Variants in TCF24 observed in about 807,000 individuals in gnomAD.
TCF24 encodes transcription factor 24.
Under a neutral mutation model 9.3 loss-of-function variants are expected in TCF24, and 5 were observed. The observed-to-expected ratio is 0.54, with a 90% CI of 0.28 to 1.13. TCF24 has a LOEUF of 1.13. Ranked by LOEUF, TCF24 falls within the 50% of genes most tolerant of loss-of-function variation. TCF24 has a pLI of 0.09. For synonymous variants in TCF24, 110 were observed against 115.8 expected, an observed-to-expected ratio of 0.95 and a Z score of 0.32; for missense variants, 220 against 236.1, an observed-to-expected ratio of 0.93 and a Z score of 0.45.
intron 3 of TCF24, among the ~76,000 whole-genome samples, chr8:66,960,009 G>A (rs1814227713): frequency 6.6e-6 from 1 of 152,072 alleles, no homozygotes; most frequent in African/African-American, 2.4e-5. Context: ...CTCCCATAAA[G>A]TATTTAACAG....
chr8:66,949,253 C>T (rs531422890), intron 3 of TCF24, among the ~76,000 whole-genome samples: 19 of 152,028 alleles, frequency 1.2e-4, no homozygotes, highest in African/African-American at 4.1e-4. Context: ...ATCCCTCCCC[C>T]CTCCTCCCAC....
intron 3 of TCF24, among the ~76,000 whole-genome samples, chr8:66,948,820 T>G (rs1814008925): frequency 6.6e-6 from 1 of 152,082 alleles, no homozygotes; most frequent in South Asian, 2.1e-4. Context: ...CTCAGCCTCC[T>G]GAGTAGCTAG....
chr8:66,949,988 T>C (rs1251117303), intron 3 of TCF24, among the ~76,000 whole-genome samples: 1 of 142,910 alleles, frequency 7.0e-6, no homozygotes, highest in Non-Finnish European at 1.5e-5. Context: ...TTGAGTTCAT[T>C]GTAGATTCTG....
At chr8:66,961,119 T>G (rs1179186999) in intron 3 of TCF24, among the ~76,000 whole-genome samples, 3 of 152,210 alleles carry the variant, frequency 2.0e-5, no homozygotes, top group Non-Finnish European at 4.4e-5. Flanking sequence ...GGAGGCATCC[T>G]GTAAGAGGCT....
chr8:66,961,442 G>A lies in TCF24; in HGVS notation c.324C>T (p.Asp108=). The change falls in exon 3 of 4, where the codon GAC becomes GAT. Residue 108 remains aspartate (D), a synonymous_variant. Transcript: ENST00000563496. ...IAHLTRSLQD[D]AEAPADAGLG... is the part of the protein sequence containing the mutation. ...ACCCGGCGTCCGCCGGCGCCTCGGC[G>A]TCGTCCTGCAGGCTGCGGGTGAGAT... 2 of 1,526,408 alleles carry A rather than the reference G, an allele frequency of 1.3e-6. No individual in the cohort carries two copies. Among genetic ancestry groups the A allele is most frequent in the East Asian group, 2.5e-5 (1 of 39,840 alleles). The allele number at this position is 1,526,408 out of a possible 1,614,324, so 94.6% of individuals were successfully genotyped here.
intron 3 of TCF24, among the ~76,000 whole-genome samples, chr8:66,953,890 G>A (rs1412088796): frequency 6.6e-6 from 1 of 151,406 alleles, no homozygotes; most frequent in Non-Finnish European, 1.5e-5. Context: ...GATCGCATTG[G>A]CTCCTGAGGC....
At position 66,949,247 on chromosome 8, in the gene TCF24, C is replaced by A. The variant is rs559897326; in HGVS notation, c.391-1083G>T. Among the ~76,000 whole-genome samples the A allele has an allele frequency of 4.2e-3, 642 of 152,082 alleles. 9 individuals are homozygous for A. Among genetic ancestry groups the A allele is most frequent in the African/African-American group, 0.015 (608 of 41,474 alleles). On this transcript the variant is annotated intron_variant, in intron 3 of 3. Transcript: ENST00000563496. The stretch of plus-strand genomic sequence containing the variant: ...TTAGGTATATCTCCCAATGCTATCC[C>A]TCCCCCCTCCTCCCACCCCACCACA...
chr8:66,949,625 T>C (rs568152134), intron 3 of TCF24, among the ~76,000 whole-genome samples: 5 of 152,284 alleles, frequency 3.3e-5, no homozygotes, highest in African/African-American at 1.2e-4. Context: ...TACCCAGTAA[T>C]GGGATGGCTG....
At chr8:66,954,550 T>C (rs1814118338) in intron 3 of TCF24, among the ~76,000 whole-genome samples, 1 of 152,234 alleles carries the variant, frequency 6.6e-6, no homozygotes, top group East Asian at 1.9e-4. Context: ...TCTTTTTGTT[T>C]GTCTGTGCCC....
At chr8:66,948,248 A>G (rs1229333174) in intron 3 of TCF24, 84 bp from the exon 4 acceptor site, 2 of 867,990 alleles carry the variant, frequency 2.3e-6, no homozygotes, top group Non-Finnish European at 3.3e-6. Flanking sequence ...AAGATTGTAA[A>G]TAGCCCAATG....
intron 3 of TCF24, among the ~76,000 whole-genome samples, chr8:66,956,776 C>G (rs963782805): frequency 6.6e-6 from 1 of 152,134 alleles, no homozygotes; most frequent in Non-Finnish European, 1.5e-5. Flanking sequence ...TGTAGTGTTA[C>G]AGACTGAATG....
intron 3 of TCF24, among the ~76,000 whole-genome samples, chr8:66,949,106 CTTTT>C (rs536966114): frequency 1.4e-5 from 2 of 146,622 alleles, no homozygotes; most frequent in Non-Finnish European, 3.0e-5. Context: ...CTTTTTTTTT[CTTTT>C]TTTTTTATTA....
At chr8:66,950,570 G>C (rs1243514322) in intron 3 of TCF24, among the ~76,000 whole-genome samples, 1 of 151,460 alleles carries the variant, frequency 6.6e-6, no homozygotes, top group South Asian at 2.1e-4. Context: ...CCTTGGCGAT[G>C]CGGGCTCTTT....
chr8:66,961,525 G>A lies in TCF24; in HGVS notation c.241C>T (p.Pro81Ser). ...TCCAGCTTGGACAGCTTGGTGTCGGGCGGCACGGACGGCAGCGTGCGCTGC... is the reference window on the plus strand; with the variant it reads ...TCCAGCTTGGACAGCTTGGTGTCGGACGGCACGGACGGCAGCGTGCGCTGC... ...ELQRTLPSVPPDTKLSKLDVL... is the reference protein window; with the variant it reads ...ELQRTLPSVPSDTKLSKLDVL... Residue 81 changes from proline to serine, a missense_variant, in exon 3 of 4, where the codon CCC becomes TCC. Transcript: ENST00000563496. 2 of 1,514,824 alleles carry A rather than the reference G, an allele frequency of 1.3e-6. No individual in the cohort carries two copies. The highest frequency in any genetic ancestry group is 1.8e-6 in the Non-Finnish European group (2 of 1,138,498). 93.8% of individuals were successfully genotyped at this position (1,514,824 alleles called of 1,614,324 possible).
intron 3 of TCF24, among the ~76,000 whole-genome samples, chr8:66,954,792 C>T (rs1299272560): frequency 6.6e-6 from 1 of 152,190 alleles, no homozygotes; most frequent in East Asian, 1.9e-4. Context: ...GATATAATCT[C>T]GTGGTGTGCC....
chr8:66,957,603 A>T (rs1814180849), intron 3 of TCF24, among the ~76,000 whole-genome samples: 1 of 152,080 alleles, frequency 6.6e-6, no homozygotes, highest in African/African-American at 2.4e-5. Context: ...CTGTTGTTTA[A>T]AAGAGCCAGT....
intron 3 of TCF24, among the ~76,000 whole-genome samples, chr8:66,949,723 CA>C (rs1290496894): frequency 1.3e-5 from 2 of 152,038 alleles, no homozygotes; most frequent in African/African-American, 4.8e-5. Flanking sequence ...GTCCCACCAA[CA>C]GTGTAAAAGT....
rs1585938968 is a variant in TCF24 at position 66,946,966 on chromosome 8, G to A, written c.*1085C>T. ...AAGAAGTTTTGATTTCATTCCTTAG[G>A]ATAAAGATTCTTTTTAGCACTTCTT... On this transcript the variant is annotated 3_prime_UTR_variant, in exon 4 of 4. Transcript: ENST00000563496. The A allele has an allele frequency of 6.6e-6, 1 of 152,058 alleles. No homozygotes were observed. Among genetic ancestry groups the A allele is most frequent in the South Asian group, 2.1e-4 (1 of 4,820 alleles). 9.4% of individuals were successfully genotyped at this position (152,058 alleles called of 1,614,324 possible).
chr8:66,954,524 G>A (rs1201019042), intron 3 of TCF24, among the ~76,000 whole-genome samples: 6 of 152,262 alleles, frequency 3.9e-5, no homozygotes, highest in Non-Finnish European at 8.8e-5. Flanking sequence ...ATTTGAGTCT[G>A]CAGAGGTTAC....
Sources: gnomAD v4.1 joint callset for allele counts (sites outside exome capture counted in the v4.1 genomes callset) on GRCh38, gnomAD v4.1.1 for gene constraint, MANE v1.5 for transcripts, NCBI Gene and HGNC (gene_info 2026-07-23, HGNC 2026-07-21) for gene names.